DAB1: variants seen among roughly 807,000 people sequenced by gnomAD.
DAB1 encodes the protein DAB adaptor protein 1.
In DAB1, 15 loss-of-function variants were observed where a neutral mutation model predicts 64.6. The ratio of observed to expected loss-of-function variants is 0.23; its 90% CI spans 0.16 to 0.36. The LOEUF (loss-of-function observed/expected upper bound fraction) is 0.36, where lower values mean the gene tolerates loss of function less well. DAB1 is among the 10% of genes least tolerant of loss of function. DAB1 has a pLI of 1.00. For synonymous variants in DAB1, 235 were observed against 251.9 expected, an observed-to-expected ratio of 0.93 and a Z score of 0.64; for missense variants, 596 against 706.7, an observed-to-expected ratio of 0.84 and a Z score of 1.78.
intron 14 of DAB1, among the ~76,000 whole-genome samples, chr1:57,000,865 AAGAAGACAG>A (rs1199912450): frequency 1.2e-4 from 19 of 152,208 alleles, no homozygotes; most frequent in South Asian, 4.1e-4. Flanking sequence ...CTAAAAACAG[AAGAAGACAG>A]CAGGCTCAGA....
chr1:57,461,793 C>T (rs1410854157), intron 7 of DAB1, among the ~76,000 whole-genome samples: 1 of 152,114 alleles, frequency 6.6e-6, no homozygotes, highest in East Asian at 1.9e-4. Context: ...TTTCTATCTT[C>T]CTCCCTGAGT....
rs1435178031 is a variant in DAB1, at chr1:57,257,677, C to T, written c.67+33287G>A. 2.0e-5 allele frequency among the ~76,000 whole-genome samples: 3 copies of T among 152,154 alleles called. No homozygotes were observed. The East Asian group carries it at 5.8e-4, about 29-fold the overall frequency. On this transcript the variant is annotated intron_variant, in intron 2 of 14. Coordinates refer to ENST00000371236, the MANE Select transcript of DAB1 (RefSeq NM_001365792.1). ...ATTTATTTTCTCAAGGTTTTGGAGG[C>T]CAGGAGTCTTAAATCAGTTTCACTG...
chr1:57,667,312 T>C (rs973616565), intron 6 of DAB1, among the ~76,000 whole-genome samples: 6 of 152,122 alleles, frequency 3.9e-5, no homozygotes, highest in African/African-American at 1.4e-4. Flanking sequence ...TCAATGTCAA[T>C]TGTGTCCACT....
At chr1:57,300,434 C>T (rs576368587) in intron 1 of DAB1, among the ~76,000 whole-genome samples, 19 of 152,260 alleles carry the variant, frequency 1.2e-4, no homozygotes, top group African/African-American at 3.6e-4. Flanking sequence ...GGGATGCAGA[C>T]GGAAGACTTC....
intron 7 of DAB1, among the ~76,000 whole-genome samples, chr1:57,646,042 G>C (rs1646188010): frequency 7.3e-6 from 1 of 137,258 alleles, no homozygotes; most frequent in African/African-American, 2.8e-5. Context: ...GAAGAAGGGG[G>C]AGAAAAGAAA....
intron 6 of DAB1, among the ~76,000 whole-genome samples, chr1:57,797,046 T>C (rs990483340): frequency 1.3e-5 from 2 of 152,184 alleles, no homozygotes; most frequent in Non-Finnish European, 2.9e-5. Flanking sequence ...GTTTGCTCAT[T>C]CTAGAGTCCT....
At chr1:57,392,440 T>A (rs1394613498) in intron 1 of DAB1, among the ~76,000 whole-genome samples, 1 of 152,198 alleles carries the variant, frequency 6.6e-6, no homozygotes, top group Non-Finnish European at 1.5e-5. Context: ...CTTAGTTTTC[T>A]TCCTGCATTC....
intron 6 of DAB1, among the ~76,000 whole-genome samples, chr1:57,730,058 T>C (rs1647343773): frequency 6.6e-6 from 1 of 152,242 alleles, no homozygotes; most frequent in Admixed American, 6.5e-5. Flanking sequence ...TTATCTACTA[T>C]GCTCTGTTAT....
intron 6 of DAB1, among the ~76,000 whole-genome samples, chr1:57,666,571 G>A (rs946251129): frequency 4.6e-5 from 7 of 152,118 alleles, no homozygotes; most frequent in Non-Finnish European, 8.8e-5. Flanking sequence ...AATTGCAACT[G>A]CATTCTACAG....
chr1:57,282,739 C>T (rs1460250889), intron 2 of DAB1, among the ~76,000 whole-genome samples: 3 of 152,072 alleles, frequency 2.0e-5, no homozygotes, highest in Admixed American at 6.6e-5. Flanking sequence ...ACCCTTTGGC[C>T]CAAGAGCTCT....
intron 6 of DAB1, among the ~76,000 whole-genome samples, chr1:57,765,832 TG>T (rs746103538): frequency 8.5e-5 from 13 of 152,152 alleles, no homozygotes; most frequent in Non-Finnish European, 1.9e-4. Flanking sequence ...GGTTTCACCA[TG>T]TTGGCCAGGC....
At chr1:57,288,584 A>G (rs1346761802) in intron 2 of DAB1, among the ~76,000 whole-genome samples, 2 of 152,206 alleles carry the variant, frequency 1.3e-5, no homozygotes, top group Non-Finnish European at 2.9e-5. Flanking sequence ...ACCAGGAACC[A>G]AATTGGCTGG....
At chr1:57,096,910 T>C (rs961049132) in intron 4 of DAB1, among the ~76,000 whole-genome samples, 1 of 152,176 alleles carries the variant, frequency 6.6e-6, no homozygotes, top group Non-Finnish European at 1.5e-5. Flanking sequence ...TAACTTTTTC[T>C]GGGCTCCTAT....
intron 4 of DAB1, among the ~76,000 whole-genome samples, chr1:58,327,474 C>G (rs1001091059): frequency 6.6e-6 from 1 of 152,198 alleles, no homozygotes; most frequent in African/African-American, 2.4e-5. Context: ...TGGTTAAGGA[C>G]AAGGACACCA....
chr1:57,141,667 T>C (rs146100585), intron 3 of DAB1, among the ~76,000 whole-genome samples: 108 of 152,198 alleles, frequency 7.1e-4, no homozygotes, highest in Admixed American at 1.6e-3. Context: ...ATACTTAAGG[T>C]TCTGCACTTA....
intron 2 of DAB1, among the ~76,000 whole-genome samples, chr1:57,158,988 T>C (rs1323091556): frequency 6.6e-6 from 1 of 152,162 alleles, no homozygotes; most frequent in African/African-American, 2.4e-5. Context: ...GAGATTCTCA[T>C]CTGAGAACCT....
At chr1:57,628,965 G>A (rs1451146744) in intron 7 of DAB1, among the ~76,000 whole-genome samples, 1 of 152,158 alleles carries the variant, frequency 6.6e-6, no homozygotes, top group Non-Finnish European at 1.5e-5. Context: ...AGCATTGAAT[G>A]CACATTAACT....
intron 2 of DAB1, among the ~76,000 whole-genome samples, chr1:58,521,136 A>C (rs755902324): frequency 7.2e-5 from 11 of 152,230 alleles, no homozygotes; most frequent in Non-Finnish European, 1.3e-4. Context: ...CGAAAACAAA[A>C]GGTAACTTTA....
chr1:58,069,708 C>T (rs993501655), intron 5 of DAB1, among the ~76,000 whole-genome samples: 4 of 152,098 alleles, frequency 2.6e-5, no homozygotes, highest in South Asian at 2.1e-4. Flanking sequence ...TTATGTAATA[C>T]ATCCATTATT....
Sources: gnomAD v4.1 joint callset for allele counts (sites outside exome capture counted in the v4.1 genomes callset) on GRCh38, gnomAD v4.1.1 for gene constraint, MANE v1.5 for transcripts, NCBI Gene and HGNC (gene_info 2026-07-23, HGNC 2026-07-21) for gene names.